The following MIR2052HG variants were observed in gnomAD, a reference collection of about 807,000 sequenced individuals.
The protein encoded by MIR2052HG is MIR2052 host gene.
intron 2 of MIR2052HG, among the ~76,000 whole-genome samples, chr8:74,659,499 A>AC (rs774024301): frequency 2.6e-5 from 4 of 152,144 alleles, no homozygotes; most frequent in Non-Finnish European, 4.4e-5. Flanking sequence ...GGAGGGCAAT[A>AC]ATATAATCGC....
intron 4 of MIR2052HG, among the ~76,000 whole-genome samples, chr8:74,738,008 G>C (rs1021103789): frequency 2.7e-5 from 4 of 150,932 alleles, no homozygotes; most frequent in African/African-American, 9.7e-5. Flanking sequence ...GTATGTATGT[G>C]TTATCTATGT....
intron 2 of MIR2052HG, among the ~76,000 whole-genome samples, chr8:74,660,365 A>G (rs1808848546): frequency 6.6e-6 from 1 of 152,188 alleles, no homozygotes; most frequent in South Asian, 2.1e-4. Flanking sequence ...GAACTAGGTC[A>G]CTGACCACTC....
At chr8:74,639,983 T>A (rs1036618494) in intron 2 of MIR2052HG, among the ~76,000 whole-genome samples, 5 of 152,324 alleles carry the variant, frequency 3.3e-5, no homozygotes, top group South Asian at 2.1e-4. Flanking sequence ...TACGTGGGTT[T>A]TGCTTGTCAC....
intron 2 of MIR2052HG, among the ~76,000 whole-genome samples, chr8:74,673,143 C>T (rs1016241026): frequency 9.2e-5 from 14 of 152,110 alleles, no homozygotes; most frequent in South Asian, 8.3e-4. Flanking sequence ...TGGACAGTTA[C>T]GTATTGTTTA....
chr8:74,700,004 C>A (rs888887029), intron 2 of MIR2052HG, among the ~76,000 whole-genome samples: 2 of 152,104 alleles, frequency 1.3e-5, no homozygotes, highest in African/African-American at 4.8e-5. Context: ...CGTTTATCAA[C>A]CATTTTGCTA....
chr8:74,643,855 CAA>C (rs1451672613), intron 2 of MIR2052HG, among the ~76,000 whole-genome samples: 5 of 152,052 alleles, frequency 3.3e-5, no homozygotes, highest in African/African-American at 1.2e-4. Flanking sequence ...TAGTTAACAA[CAA>C]GAAAAAATAA....
chr8:74,626,398 T>C (rs1265337374), intron 2 of MIR2052HG, among the ~76,000 whole-genome samples: 1 of 152,202 alleles, frequency 6.6e-6, no homozygotes, highest in Non-Finnish European at 1.5e-5. Flanking sequence ...TGTGCTAAAG[T>C]ACAGGGATTG....
intron 2 of MIR2052HG, among the ~76,000 whole-genome samples, chr8:74,701,453 G>A (rs549946094): frequency 5.3e-5 from 8 of 152,044 alleles, no homozygotes; most frequent in African/African-American, 1.2e-4. Context: ...TCCATACTCC[G>A]GGGCAGTCAG....
At chr8:74,623,326 A>G (rs887883006) in intron 2 of MIR2052HG, among the ~76,000 whole-genome samples, 7 of 152,180 alleles carry the variant, frequency 4.6e-5, no homozygotes, top group Non-Finnish European at 8.8e-5. Flanking sequence ...GGGGGTGACA[A>G]TTGGGGACAT....
chr8:74,744,955 G>T (rs553843715), intron 4 of MIR2052HG, among the ~76,000 whole-genome samples: 1 of 152,118 alleles, frequency 6.6e-6, no homozygotes, highest in Non-Finnish European at 1.5e-5. Flanking sequence ...TTCAGGAAAA[G>T]TTCAATAGTT....
intron 2 of MIR2052HG, among the ~76,000 whole-genome samples, chr8:74,622,000 T>C (rs1482735980): frequency 6.6e-6 from 1 of 152,178 alleles, no homozygotes; most frequent in Non-Finnish European, 1.5e-5. Context: ...GTAATGATTT[T>C]TTTTGGGTAT....
chr8:74,754,786 T>C (rs947190953), intron 5 of MIR2052HG, among the ~76,000 whole-genome samples: 4 of 152,214 alleles, frequency 2.6e-5, no homozygotes, highest in African/African-American at 9.6e-5. Context: ...CAATGCTTCC[T>C]GGATGATTTG....
At chr8:74,599,956 A>T (rs1411369004) in intron 1 of MIR2052HG, 1 of 160,508 alleles carries the variant, frequency 6.2e-6, no homozygotes, top group Non-Finnish European at 1.3e-5. Flanking sequence ...CCCGTCGGAA[A>T]AGCGCAGTAT....
At chr8:74,665,979 T>C (rs1808919441) in intron 2 of MIR2052HG, among the ~76,000 whole-genome samples, 1 of 152,200 alleles carries the variant, frequency 6.6e-6, no homozygotes, top group Admixed American at 6.5e-5. Context: ...TCCCCAGCCA[T>C]GTGGAACTGT....
intron 2 of MIR2052HG, among the ~76,000 whole-genome samples, chr8:74,687,928 A>G (rs1227256453): frequency 1.3e-5 from 2 of 152,136 alleles, no homozygotes; most frequent in Non-Finnish European, 2.9e-5. Context: ...GTGTTTGCAT[A>G]TGTCTAAACT....
At chr8:74,698,292 T>C (rs934202576) in intron 2 of MIR2052HG, among the ~76,000 whole-genome samples, 1 of 152,196 alleles carries the variant, frequency 6.6e-6, no homozygotes, top group Non-Finnish European at 1.5e-5. Context: ...GCTGGGATAA[T>C]TGGCTAGCCG....
chr8:74,706,915 A>C (rs1468033926), intron 4 of MIR2052HG, among the ~76,000 whole-genome samples: 1 of 152,074 alleles, frequency 6.6e-6, no homozygotes, highest in South Asian at 2.1e-4. Flanking sequence ...AAGTGGATGC[A>C]CACGGGTGAG....
chr8:74,750,481 A>C (rs990365043), intron 4 of MIR2052HG, among the ~76,000 whole-genome samples: 1 of 152,214 alleles, frequency 6.6e-6, no homozygotes, highest in African/African-American at 2.4e-5. Flanking sequence ...AAAATATCAT[A>C]GGAACAAGGC....
At chr8:74,617,682 TC>T (rs1395129017) in intron 2 of MIR2052HG, among the ~76,000 whole-genome samples, 1 of 152,146 alleles carries the variant, frequency 6.6e-6, no homozygotes, top group Non-Finnish European at 1.5e-5. Context: ...AGTGCAGGCA[TC>T]TTTTTGATAT....
Sources: gnomAD v4.1 joint callset for allele counts (sites outside exome capture counted in the v4.1 genomes callset) on GRCh38, gnomAD v4.1.1 for gene constraint, MANE v1.5 for transcripts, NCBI Gene and HGNC (gene_info 2026-07-23, HGNC 2026-07-21) for gene names.